ZNF200: variants seen among roughly 807,000 people sequenced by gnomAD.
The protein encoded by ZNF200 is zinc finger protein 200.
In ZNF200, 35 loss-of-function variants were observed where a neutral mutation model predicts 33.6. The ratio of observed to expected loss-of-function variants is 1.04; its 90% confidence interval spans 0.80 to 1.38. The LOEUF is 1.38. Ranked by LOEUF, ZNF200 falls within the 40% of genes most tolerant of loss-of-function variation. The pLI is 0.00. For missense variants in ZNF200, 592 were observed against 470.6 expected (o/e 1.26, Z -2.39); for synonymous variants, 209 against 167.7 (o/e 1.25, Z -1.90).
chr16:3,229,010 G>A (rs1958556841), intron 4 of ZNF200, among the ~76,000 whole-genome samples: 1 of 152,144 alleles, frequency 6.6e-6, no homozygotes, highest in Non-Finnish European at 1.5e-5. Flanking sequence ...GGTTTTGTCT[G>A]TACATATTCA....
rs140237808 is a variant in ZNF200 at position 3,233,634 on chromosome 16, G to A, written c.122C>T (p.Thr41Ile). 1.2e-4 allele frequency: 196 copies of A among 1,613,868 alleles called. No individual in the cohort carries two copies. The highest frequency in any genetic ancestry group is 5.0e-5 in the Admixed American group (3 of 60,002). Reference protein sequence around the residue: ...LLRDATNGPKTIHQLVLEHFL... With the variant: ...LLRDATNGPKIIHQLVLEHFL... ...GTGCTCCAGCACTAGCTGGTGGATGGTCTTGGGCCCGTTAGTGGCATCTCG... is the reference window on the plus strand; with the variant it reads ...GTGCTCCAGCACTAGCTGGTGGATGATCTTGGGCCCGTTAGTGGCATCTCG... Residue 41 changes from threonine to isoleucine, a missense_variant, in exon 2 of 5, where the codon ACC (threonine) becomes ATC (isoleucine). Transcript: ENST00000414144.
At position 3,224,735 on chromosome 16, in the gene ZNF200, G is replaced by A. The variant is rs560890312; in HGVS notation, c.467-122C>T. ...GTCAATCTGGGGAGTGGCGGATACT[G>A]CCGTCGCACTCCTTTTCCATACTTA... is the stretch of plus-strand genomic sequence containing the variant. On this transcript the variant is annotated intron_variant, in intron 4 of 4. Coordinates refer to ENST00000414144, the MANE Select transcript of ZNF200 (RefSeq NM_198088.3). The A allele has an allele frequency of 1.4e-5, 18 of 1,255,972 alleles. 1 individual carries two copies. In the South Asian group the frequency reaches 2.8e-4, roughly 19 times the overall value. 77.8% of individuals were successfully genotyped at this position (1,255,972 alleles called of 1,614,324 possible). A position where few individuals can be genotyped will look rare whatever the true frequency, so the allele number is the denominator to read the frequency against.
intron 4 of ZNF200, among the ~76,000 whole-genome samples, chr16:3,231,380 A>G (rs1958631559): frequency 1.3e-5 from 2 of 152,216 alleles, no homozygotes; most frequent in South Asian, 4.1e-4. Context: ...GTATAATTAC[A>G]GCTAAGAGTT....
intron 3 of ZNF200, 58 bp downstream of exon 3, chr16:3,232,775 G>A: frequency 6.4e-7 from 1 of 1,566,758 alleles, no homozygotes; most frequent in Non-Finnish European, 8.8e-7. Context: ...TTTACACACA[G>A]GTTGGCCAAG....
At chr16:3,230,947 G>A (rs1284035456) in intron 4 of ZNF200, among the ~76,000 whole-genome samples, 1 of 152,208 alleles carries the variant, frequency 6.6e-6, no homozygotes, top group Non-Finnish European at 1.5e-5. Context: ...TTTGATGAAT[G>A]ACTTGTCTTA....
intron 4 of ZNF200, among the ~76,000 whole-genome samples, chr16:3,230,680 G>A (rs1168586805): frequency 6.6e-6 from 1 of 152,078 alleles, no homozygotes; most frequent in Non-Finnish European, 1.5e-5. Flanking sequence ...TTTTTCCTTT[G>A]CAAAAATTGG....
intron 2 of ZNF200, 137 bp from the exon 3 acceptor site, chr16:3,233,058 G>C: frequency 1.4e-6 from 1 of 715,738 alleles, no homozygotes; most frequent in Non-Finnish European, 2.3e-6. Flanking sequence ...AGCCCTTATA[G>C]AGTTCAAGCC....
chr16:3,234,159 A>G (rs1958727924), intron 1 of ZNF200: 1 of 158,762 alleles, frequency 6.3e-6, no homozygotes, highest in South Asian at 1.5e-4. Flanking sequence ...TAATCCCAGC[A>G]CTTTGGAAGG....
rs1188059351 is a variant in ZNF200, at chr16:3,235,007, C to G, written c.-102G>C. 1 of 152,286 alleles carries G rather than the reference C, an allele frequency of 6.6e-6. No individual in the cohort carries two copies. Among genetic ancestry groups the G allele is most frequent in the Non-Finnish European group, 1.5e-5 (1 of 68,094 alleles). 9.4% of individuals were successfully genotyped at this position (152,286 alleles called of 1,614,324 possible). A position where few individuals can be genotyped will look rare whatever the true frequency, so the allele number is the denominator to read the frequency against. On this transcript the variant is annotated 5_prime_UTR_variant, in exon 1 of 5. Coordinates refer to ENST00000414144, the MANE Select transcript of ZNF200 (RefSeq NM_198088.3). Reference sequence around the variant, plus strand: ...CTCACCTCTCGGGGCCTCTGCAGCCCCTGAGCGTTTGCTGGGGACGGCTCA... The same window carrying G: ...CTCACCTCTCGGGGCCTCTGCAGCCGCTGAGCGTTTGCTGGGGACGGCTCA...
intron 4 of ZNF200, chr16:3,227,068 G>C (rs1658278998): frequency 6.6e-6 from 1 of 152,190 alleles, no homozygotes; most frequent in African/African-American, 2.4e-5. Flanking sequence ...AGCCTCCCGA[G>C]TAGCTGGGAT....
rs780493948 is a variant in ZNF200 at position 3,232,881 on chromosome 16, G to C, written c.291C>G (p.Val97=). ...GAGACACTGTCTCTTGTTCCTTTTG[G>C]ACTCCTTTGGGCAGAAGCTTCACCA... ...RPLVKLLPKG[V]QKEQETVSLY... Residue 97 remains valine (V), a synonymous_variant, in exon 3 of 5, where the codon GTC becomes GTG. Transcript: ENST00000414144. 1 of 1,613,810 alleles carries C rather than the reference G, an allele frequency of 6.2e-7. No homozygotes were observed. Among genetic ancestry groups the C allele is most frequent in the Non-Finnish European group, 8.5e-7 (1 of 1,179,834 alleles).
intron 4 of ZNF200, among the ~76,000 whole-genome samples, chr16:3,231,046 A>G (rs956739110): frequency 1.3e-5 from 2 of 152,240 alleles, no homozygotes; most frequent in African/African-American, 4.8e-5. Context: ...CTGCCTGAGG[A>G]AAAAACTAGT....
intron 4 of ZNF200, chr16:3,226,914 T>C (rs1958488551): frequency 6.6e-6 from 1 of 152,212 alleles, no homozygotes; most frequent in Non-Finnish European, 1.5e-5. Flanking sequence ...TTTATTTCTA[T>C]AAATATGAAA....
At chr16:3,229,201 G>C (rs977096288) in intron 4 of ZNF200, among the ~76,000 whole-genome samples, 1 of 68,148 alleles carries the variant, frequency 1.5e-5, no homozygotes, top group African/African-American at 3.0e-5. Context: ...GTATCTGAGT[G>C]GGGGTCCTGG....
intron 1 of ZNF200, chr16:3,234,604 C>T (rs1220733970): frequency 6.6e-6 from 1 of 152,384 alleles, no homozygotes; most frequent in Non-Finnish European, 1.5e-5. Flanking sequence ...TGCCTAAAAG[C>T]AGGTTGGTCA....
rs1958671863 is a variant in ZNF200, at chr16:3,232,784, A to C, written c.339+49T>G. The C allele has an allele frequency of 3.1e-6, 5 of 1,592,656 alleles. No individual in the cohort carries two copies. In the African/African-American group the frequency reaches 6.7e-5, roughly 21 times the overall value. On this transcript the variant is annotated intron_variant, in intron 3 of 4. Transcript: ENST00000414144. ...TGTGTTTTTACACACAGGTTGGCCA[A>C]GCACGGAAGGTGATGGATTCAGGCA...
Position 3,224,080 on chromosome 16 carries a change from T to C in ZNF200, c.1000A>G (p.Lys334Glu). The C allele has an allele frequency of 1.2e-6, 2 of 1,614,138 alleles. No homozygotes were observed. Among genetic ancestry groups the C allele is most frequent in the Non-Finnish European group, 1.7e-6 (2 of 1,180,022 alleles). Residue 334 changes from lysine to glutamate, a missense_variant, in exon 5 of 5, where the codon AAG becomes GAG. Lys to Glu is a moderately conservative substitution (Grantham distance 56, BLOSUM62 1). Transcript: ENST00000414144. ...CCACATTCTGGACACTTAAATATCT[T>C]CTCCCTTATATGGATTCCTTCATGA... ...SRHEGIHIRE[K>E]IFKCPECGKT...
Position 3,224,575 on chromosome 16 carries a change from T to C in ZNF200, c.505A>G (p.Arg169Gly), listed in dbSNP as rs1958420118. The C allele has an allele frequency of 6.2e-7, 1 of 1,608,048 alleles. No individual in the cohort carries two copies. Among genetic ancestry groups the C allele is most frequent in the Non-Finnish European group, 8.5e-7 (1 of 1,176,152 alleles). The part of the protein sequence containing the change: ...GSNPEGEDPE[R>G]EPVENEDYRE... ...TAATCTTCATTTTCTACAGGTTCCC[T>C]CTCAGGATCTTCACCTTCAGGATTA... Residue 169 changes from arginine to glycine, a missense_variant, in exon 5 of 5, where the codon AGG becomes GGG. Transcript: ENST00000414144.
intron 4 of ZNF200, chr16:3,225,420 G>C (rs1958441077): frequency 6.6e-6 from 1 of 152,544 alleles, no homozygotes; most frequent in East Asian, 1.9e-4. Flanking sequence ...ACTCCAGCCT[G>C]GGCAACAAGA....
Sources: allele counts gnomAD v4.1 joint callset (sites outside exome capture counted in the v4.1 genomes callset), GRCh38; gene constraint gnomAD v4.1.1; transcripts MANE v1.5; gene names NCBI Gene and HGNC (gene_info 2026-07-23, HGNC 2026-07-21).